Variants in WWC1 observed in about 807,000 individuals in gnomAD.
The protein encoded by WWC1 is WW and C2 domain containing 1.
A neutral mutation model predicts 138.4 loss-of-function variants in WWC1; 55 were observed. That is an observed-to-expected ratio of 0.40 (90% CI 0.32 to 0.50). WWC1 has a LOEUF of 0.50. Ranked by LOEUF, WWC1 falls within the 20% of genes least tolerant of loss-of-function variation. The pLI is 0.72. For missense variants in WWC1, 1,226 were observed against 1,420.4 expected, an observed-to-expected ratio of 0.86 and a Z score of 2.20; for synonymous variants, 524 against 564.9, an observed-to-expected ratio of 0.93 and a Z score of 1.03.
rs565689280 is a variant in WWC1, at chr5:168,304,044, G to A, written c.119+11773G>A. 7.0e-4 allele frequency among the ~76,000 whole-genome samples: 107 copies of A among 152,184 alleles called. 1 individual carries two copies. Among genetic ancestry groups the A allele is most frequent in the Non-Finnish European group, 1.3e-3 (89 of 68,020 alleles). The stretch of plus-strand genomic sequence containing the variant: ...CTTTTTGAGCCTTCATTTCTTCACC[G>A]GCAAAATGAGAATAAATTAGAATCC... On this transcript the variant is annotated intron_variant, in intron 1 of 22. Transcript: ENST00000265293.
intron 3 of WWC1, among the ~76,000 whole-genome samples, chr5:168,387,805 T>G (rs963528733): frequency 6.6e-6 from 1 of 152,190 alleles, no homozygotes; most frequent in African/African-American, 2.4e-5. Context: ...TTATATTTAT[T>G]TGGGAGAGAC....
At chr5:168,354,317 C>T (rs895050335) in intron 1 of WWC1, among the ~76,000 whole-genome samples, 1 of 152,134 alleles carries the variant, frequency 6.6e-6, no homozygotes, top group African/African-American at 2.4e-5. Flanking sequence ...TCCCAAAGTG[C>T]TGGGATTACA....
intron 1 of WWC1, among the ~76,000 whole-genome samples, chr5:168,306,860 G>A (rs1247621048): frequency 6.6e-6 from 1 of 152,292 alleles, no homozygotes; most frequent in Non-Finnish European, 1.5e-5. Context: ...GCCTCCCAAA[G>A]TGCTGGGATT....
chr5:168,391,764 T>TATATAG (rs1554102863), intron 3 of WWC1, among the ~76,000 whole-genome samples: 1 of 55,840 alleles, frequency 1.8e-5, no homozygotes, highest in Admixed American at 1.3e-4. Context: ...TTAAGGCATA[T>TATATAG]ATATATATAT....
intron 1 of WWC1, among the ~76,000 whole-genome samples, chr5:168,367,418 G>A (rs978262665): frequency 2.0e-5 from 3 of 151,682 alleles, no homozygotes; most frequent in East Asian, 1.9e-4. Context: ...TGCAAGCTCC[G>A]CCTCCCGGGT....
intron 1 of WWC1, among the ~76,000 whole-genome samples, chr5:168,323,601 G>GA (rs1561609021): frequency 1.3e-5 from 2 of 150,396 alleles, no homozygotes; most frequent in Non-Finnish European, 3.0e-5. Context: ...AAAAAGCTTG[G>GA]AAAAAAAAAG....
intron 5 of WWC1, among the ~76,000 whole-genome samples, chr5:168,404,068 C>G (rs970199708): frequency 2.0e-5 from 3 of 152,134 alleles, no homozygotes; most frequent in African/African-American, 7.2e-5. Context: ...GTTGCTAAGG[C>G]CCTTGAAGAA....
At chr5:168,435,830 T>C (rs1431475747) in intron 15 of WWC1, among the ~76,000 whole-genome samples, 2 of 152,122 alleles carry the variant, frequency 1.3e-5, no homozygotes, top group Non-Finnish European at 2.9e-5. Context: ...ATGTGGACTT[T>C]GGCCCTCATC....
chr5:168,308,623 C>T (rs984363136), intron 1 of WWC1, among the ~76,000 whole-genome samples: 1 of 152,134 alleles, frequency 6.6e-6, no homozygotes. Flanking sequence ...GGCTCAAATG[C>T]AGGTTCCAAG....
At chr5:168,385,142 A>G in intron 2 of WWC1, 69 bp from the exon 3 acceptor site, 1 of 1,549,820 alleles carries the variant, frequency 6.5e-7, no homozygotes, top group South Asian at 1.2e-5. Context: ...CTGCTAGTGG[A>G]TACCACAGGC....
intron 1 of WWC1, among the ~76,000 whole-genome samples, chr5:168,299,017 G>A (rs1581848798): frequency 6.6e-6 from 1 of 152,170 alleles, no homozygotes; most frequent in South Asian, 2.1e-4. Context: ...CCCAGGAGGC[G>A]GAGGTTGCAG....
intron 1 of WWC1, among the ~76,000 whole-genome samples, chr5:168,341,041 G>A (rs1434834691): frequency 6.6e-6 from 1 of 152,186 alleles, no homozygotes; most frequent in African/African-American, 2.4e-5. Context: ...TGTGCCAGGA[G>A]CCAGAGAGAC....
At chr5:168,393,449 A>G (rs1398874818) in intron 3 of WWC1, among the ~76,000 whole-genome samples, 1 of 152,202 alleles carries the variant, frequency 6.6e-6, no homozygotes, top group African/African-American at 2.4e-5. Context: ...TGGAAACCTA[A>G]AAGACCATGG....
chr5:168,351,929 T>C (rs376647701), intron 1 of WWC1, among the ~76,000 whole-genome samples: 1 of 152,232 alleles, frequency 6.6e-6, no homozygotes, highest in East Asian at 1.9e-4. Context: ...CAAGACACAC[T>C]TGTTTGCCCC....
At chr5:168,393,611 A>G (rs1426894047) in intron 3 of WWC1, among the ~76,000 whole-genome samples, 1 of 152,226 alleles carries the variant, frequency 6.6e-6, no homozygotes, top group Non-Finnish European at 1.5e-5. Context: ...TTCTTTCTCA[A>G]GAAGCTACTG....
chr5:168,396,100 A>T (rs1205062228), intron 3 of WWC1, among the ~76,000 whole-genome samples: 1 of 150,830 alleles, frequency 6.6e-6, no homozygotes, highest in South Asian at 2.1e-4. Context: ...TGTTCAGATG[A>T]TAGCCAGGTG....
At chr5:168,451,674 C>T (rs1755827177) in intron 17 of WWC1, among the ~76,000 whole-genome samples, 1 of 152,120 alleles carries the variant, frequency 6.6e-6, no homozygotes, top group Non-Finnish European at 1.5e-5. Context: ...CATGGCACTC[C>T]AGCCTTAGCC....
chr5:168,329,063 G>A (rs563255879), intron 1 of WWC1, among the ~76,000 whole-genome samples: 2 of 152,328 alleles, frequency 1.3e-5, no homozygotes, highest in Middle Eastern at 6.8e-3. Flanking sequence ...GTCCTGATAA[G>A]TTGGTCTTGC....
At chr5:168,419,802 A>G (rs1248664538) in intron 9 of WWC1, among the ~76,000 whole-genome samples, 1 of 152,140 alleles carries the variant, frequency 6.6e-6, no homozygotes, top group Non-Finnish European at 1.5e-5. Flanking sequence ...GGGCAAAGAC[A>G]CACCCTGGAG....
Sources: allele counts gnomAD v4.1 joint callset (sites outside exome capture counted in the v4.1 genomes callset), GRCh38; gene constraint gnomAD v4.1.1; transcripts MANE v1.5; gene names NCBI Gene and HGNC (gene_info 2026-07-23, HGNC 2026-07-21).